AOAH: variants seen among roughly 807,000 people sequenced by gnomAD.
AOAH encodes the protein acyloxyacyl hydrolase (neutrophil).
Under a neutral mutation model 92.2 loss-of-function variants are expected in AOAH, and 64 were observed. The ratio of observed to expected loss-of-function variants is 0.69; its 90% CI spans 0.57 to 0.86. The LOEUF (loss-of-function observed/expected upper bound fraction) is 0.86. AOAH is among the 40% of genes least tolerant of loss of function. The probability of loss-of-function intolerance (pLI) is 0.00; values close to 1 mark genes in which losing one functional copy is unlikely to be tolerated. For missense variants in AOAH, 656 were observed against 694.6 expected (o/e 0.94, Z 0.62); for synonymous variants, 263 against 254.5 (o/e 1.03, Z -0.32).
intron 3 of AOAH, among the ~76,000 whole-genome samples, chr7:36,662,410 C>T (rs1222104308): frequency 3.3e-5 from 5 of 152,330 alleles, no homozygotes; most frequent in Admixed American, 1.3e-4. Flanking sequence ...GTATCAAAGA[C>T]GCCATCCCTT....
At chr7:36,531,998 G>C in intron 18 of AOAH, 149 bp downstream of exon 18, 1 of 877,018 alleles carries the variant, frequency 1.1e-6, no homozygotes, top group Non-Finnish European at 1.8e-6. Context: ...GGTTCTCTCG[G>C]CTCCTCAAGC....
At chr7:36,643,360 A>T (rs1412879214) in intron 4 of AOAH, among the ~76,000 whole-genome samples, 5 of 152,148 alleles carry the variant, frequency 3.3e-5, no homozygotes, top group African/African-American at 9.7e-5. Flanking sequence ...TAAGCAAGAA[A>T]ATATGATTGA....
In AOAH at chr7:36,675,043, T is replaced by A. The variant is rs555432279; in HGVS notation, c.224-1034A>T. Among the ~76,000 whole-genome samples the A allele has an allele frequency of 3.1e-3, 466 of 152,274 alleles. 5 individuals are homozygous for A. The highest frequency in any genetic ancestry group is 0.011 in the African/African-American group (448 of 41,550). Reference sequence around the variant, plus strand: ...GGCAAGGCGGGTAGATCGCCTGCGGTCAGGAGTTTGAGACCAGCCTGGCCA... The same window carrying A: ...GGCAAGGCGGGTAGATCGCCTGCGGACAGGAGTTTGAGACCAGCCTGGCCA... On this transcript the variant is annotated intron_variant, in intron 2 of 20. Transcript: ENST00000617537.
intron 12 of AOAH, among the ~76,000 whole-genome samples, chr7:36,588,213 C>T (rs1789488503): frequency 6.6e-6 from 1 of 152,222 alleles, no homozygotes; most frequent in Non-Finnish European, 1.5e-5. Context: ...GAGTTTGGTG[C>T]CAGCACTTGA....
chr7:36,607,327 G>T (rs530990244), intron 11 of AOAH, among the ~76,000 whole-genome samples: 4 of 152,162 alleles, frequency 2.6e-5, no homozygotes, highest in Non-Finnish European at 5.9e-5. Flanking sequence ...CAGACAATAC[G>T]ATCAGGTCCT....
At chr7:36,556,885 C>T (rs1200671599) in intron 13 of AOAH, among the ~76,000 whole-genome samples, 6 of 149,782 alleles carry the variant, frequency 4.0e-5, no homozygotes, top group African/African-American at 1.2e-4. Flanking sequence ...TGTCTCTGCA[C>T]GTGAGATGGG....
intron 1 of AOAH, among the ~76,000 whole-genome samples, chr7:36,702,614 C>G (rs1261963166): frequency 6.6e-6 from 1 of 152,140 alleles, no homozygotes; most frequent in Non-Finnish European, 1.5e-5. Context: ...TAAATGTGCA[C>G]TGGCATTATG....
intron 2 of AOAH, among the ~76,000 whole-genome samples, chr7:36,675,862 C>T (rs1222663941): frequency 6.6e-6 from 1 of 152,000 alleles, no homozygotes; most frequent in Non-Finnish European, 1.5e-5. Flanking sequence ...GTATTACTCC[C>T]ATATCAACAA....
chr7:36,651,867 G>C (rs999303040), intron 4 of AOAH, among the ~76,000 whole-genome samples: 2 of 152,140 alleles, frequency 1.3e-5, no homozygotes, highest in Admixed American at 6.5e-5. Flanking sequence ...ATATCAGTAT[G>C]AGCTCACATC....
At chr7:36,577,007 C>G (rs1295758531) in intron 12 of AOAH, among the ~76,000 whole-genome samples, 1 of 151,186 alleles carries the variant, frequency 6.6e-6, no homozygotes, top group Non-Finnish European at 1.5e-5. Context: ...TATTTTGAAC[C>G]TGATCATGTT....
At chr7:36,537,253 C>CA (rs1785128471) in intron 16 of AOAH, among the ~76,000 whole-genome samples, 1 of 142,498 alleles carries the variant, frequency 7.0e-6, no homozygotes, top group South Asian at 2.2e-4. Context: ...TTTTTTTTTC[C>CA]AAAACTACTG....
At chr7:36,698,011 G>T (rs768057015) in intron 1 of AOAH, among the ~76,000 whole-genome samples, 2 of 152,132 alleles carry the variant, frequency 1.3e-5, no homozygotes, top group Non-Finnish European at 2.9e-5. Context: ...TTTCAGAATT[G>T]TAAGAGGATA....
At chr7:36,641,914 T>C (rs1793944948) in intron 4 of AOAH, among the ~76,000 whole-genome samples, 1 of 152,122 alleles carries the variant, frequency 6.6e-6, no homozygotes, top group Non-Finnish European at 1.5e-5. Flanking sequence ...GAGCACACAG[T>C]AGTATATAGC....
chr7:36,651,522 G>A (rs992079845), intron 4 of AOAH, among the ~76,000 whole-genome samples: 1 of 152,194 alleles, frequency 6.6e-6, no homozygotes, highest in African/African-American at 2.4e-5. Context: ...ACATGTCAGT[G>A]GTTTCATTGT....
At chr7:36,606,962 T>A (rs1055545442) in intron 11 of AOAH, among the ~76,000 whole-genome samples, 13 of 152,160 alleles carry the variant, frequency 8.5e-5, no homozygotes, top group Non-Finnish European at 1.8e-4. Flanking sequence ...TCAGAACCCT[T>A]TGTGTCTCTG....
chr7:36,590,577 G>T (rs1789672804), intron 12 of AOAH, among the ~76,000 whole-genome samples: 1 of 152,192 alleles, frequency 6.6e-6, no homozygotes, highest in South Asian at 2.1e-4. Context: ...CATAAACAAA[G>T]AATGAAAGGG....
chr7:36,517,931 CCACACACACACACCCA>C (rs55684340), intron 20 of AOAH, among the ~76,000 whole-genome samples: 40,482 of 87,288 alleles, frequency 0.46, 6,328 homozygotes, highest in Middle Eastern at 0.62. Context: ...ACACACACAC[CCACACACACACACCCA>C]CACACACACA....
At chr7:36,641,499 G>C in intron 4 of AOAH, among the ~76,000 whole-genome samples, 1 of 152,118 alleles carries the variant, frequency 6.6e-6, no homozygotes, top group East Asian at 1.9e-4. Flanking sequence ...AGTGCCTGTT[G>C]ACTTAAATTC....
chr7:36,712,702 C>G (rs1302072308), intron 1 of AOAH, among the ~76,000 whole-genome samples: 1 of 152,138 alleles, frequency 6.6e-6, no homozygotes, highest in Non-Finnish European at 1.5e-5. Context: ...AAAGAATTTT[C>G]AGCCCAGAAT....
Sources: allele counts gnomAD v4.1 joint callset (sites outside exome capture counted in the v4.1 genomes callset), GRCh38; gene constraint gnomAD v4.1.1; transcripts MANE v1.5; gene names NCBI Gene and HGNC (gene_info 2026-07-23, HGNC 2026-07-21).